Variants in LEKR1 observed in about 807,000 individuals in gnomAD.
The protein encoded by LEKR1 is protein LEKR1.
Under a neutral mutation model 72.4 loss-of-function variants are expected in LEKR1, and 59 were observed. That is an observed-to-expected ratio of 0.82 (90% CI 0.66 to 1.01). The LOEUF (loss-of-function observed/expected upper bound fraction) is 1.01, where lower values mean the gene tolerates loss of function less well. LEKR1 is among the 50% of genes least tolerant of loss of function. The pLI, the probability that LEKR1 is intolerant of heterozygous loss-of-function variation, is 0.00. For synonymous variants in LEKR1, 257 were observed against 263.2 expected, an observed-to-expected ratio of 0.98 and a Z score of 0.23; for missense variants, 728 against 759.2, an observed-to-expected ratio of 0.96 and a Z score of 0.48.
intron 5 of LEKR1, among the ~76,000 whole-genome samples, chr3:156,938,708 T>A (rs946621860): frequency 4.6e-5 from 7 of 152,234 alleles, no homozygotes; most frequent in East Asian, 1.9e-4. Flanking sequence ...TAGTTTTTTT[T>A]ATTTATTTAG....
chr3:156,981,985 T>C (rs1474027673), intron 7 of LEKR1, among the ~76,000 whole-genome samples: 1 of 152,236 alleles, frequency 6.6e-6, no homozygotes, highest in African/African-American at 2.4e-5. Context: ...ATTCTTTGTG[T>C]TGTTTAAAGA....
intron 3 of LEKR1, among the ~76,000 whole-genome samples, chr3:156,858,253 AAGAG>A (rs1160553450): frequency 6.6e-6 from 1 of 152,184 alleles, no homozygotes; most frequent in African/African-American, 2.4e-5. Context: ...AGAGACAAGA[AAGAG>A]AGTGAAGGAC....
At chr3:156,907,234 T>C (rs1722614655) in intron 3 of LEKR1, among the ~76,000 whole-genome samples, 1 of 152,098 alleles carries the variant, frequency 6.6e-6, no homozygotes, top group Admixed American at 6.6e-5. Context: ...TTAACATTGA[T>C]GAAGATCATT....
chr3:156,927,132 C>T (rs1039082504), intron 4 of LEKR1, among the ~76,000 whole-genome samples: 15 of 151,686 alleles, frequency 9.9e-5, no homozygotes, highest in East Asian at 3.9e-4. Context: ...TAAATGTTTA[C>T]GGTTGAATAA....
chr3:156,847,818 A>C (rs1447749136), intron 2 of LEKR1, among the ~76,000 whole-genome samples: 2 of 152,180 alleles, frequency 1.3e-5, no homozygotes, highest in African/African-American at 2.4e-5. Flanking sequence ...AATGAATATC[A>C]TGTTTTCTCT....
chr3:157,025,180 A>G (rs1198736828), intron 11 of LEKR1, among the ~76,000 whole-genome samples: 3 of 152,224 alleles, frequency 2.0e-5, no homozygotes, highest in Admixed American at 2.0e-4. Flanking sequence ...AACATCATAA[A>G]TTATATGACT....
In LEKR1 at chr3:156,919,416, A is replaced by G. The variant is rs143782273; in HGVS notation, c.264-1159A>G. ...TTCTTGGTTCAGGTGGACAGCTACT[A>G]TGCTGCCATTAAAAACCAACTAGGT... On this transcript the variant is annotated intron_variant, in intron 3 of 12. Coordinates refer to ENST00000356539, the MANE Select transcript of LEKR1 (RefSeq NM_001004316.3). Among the ~76,000 whole-genome samples the G allele has an allele frequency of 9.8e-5, 15 of 152,288 alleles. 1 individual carries two copies. In the East Asian group the frequency reaches 2.5e-3, roughly 25 times the overall value.
intron 3 of LEKR1, among the ~76,000 whole-genome samples, chr3:156,855,997 A>T (rs1716008084): frequency 7.6e-6 from 1 of 130,976 alleles, no homozygotes; most frequent in African/African-American, 4.0e-5. Flanking sequence ...TCATACAATG[A>T]AAGCAAAGGT....
intron 1 of LEKR1, among the ~76,000 whole-genome samples, chr3:156,828,358 A>C (rs1711920431): frequency 6.6e-6 from 1 of 152,168 alleles, no homozygotes; most frequent in Non-Finnish European, 1.5e-5. Context: ...TCTTGTCAAA[A>C]TCCTGCCCTG....
chr3:156,967,881 T>C (rs1728777422), intron 6 of LEKR1, among the ~76,000 whole-genome samples: 1 of 152,098 alleles, frequency 6.6e-6, no homozygotes, highest in Non-Finnish European at 1.5e-5. Context: ...GAGAGAAAGG[T>C]CGGGTTACCC....
intron 4 of LEKR1, among the ~76,000 whole-genome samples, chr3:156,923,142 A>G (rs1354515478): frequency 6.6e-6 from 1 of 152,210 alleles, no homozygotes; most frequent in Non-Finnish European, 1.5e-5. Context: ...TCTTTTTAAA[A>G]ACATCCTCAT....
intron 10 of LEKR1, among the ~76,000 whole-genome samples, chr3:157,018,268 C>T (rs1462506230): frequency 2.0e-5 from 3 of 152,032 alleles, no homozygotes; most frequent in East Asian, 3.9e-4. Context: ...AGGATTTATA[C>T]AATGGAAAAT....
chr3:156,957,270 G>A (rs992116432), intron 6 of LEKR1, among the ~76,000 whole-genome samples: 4 of 151,916 alleles, frequency 2.6e-5, no homozygotes, highest in African/African-American at 9.7e-5. Context: ...ACATGCTTAT[G>A]ATTATGTTAC....
At chr3:157,000,994 A>T (rs1443639114) in intron 9 of LEKR1, among the ~76,000 whole-genome samples, 4 of 152,244 alleles carry the variant, frequency 2.6e-5, no homozygotes, top group African/African-American at 7.2e-5. Context: ...TTCCTGCTAC[A>T]TTGTAAAGAA....
intron 12 of LEKR1, among the ~76,000 whole-genome samples, chr3:157,034,629 A>G (rs1734839451): frequency 6.6e-6 from 1 of 152,164 alleles, no homozygotes; most frequent in Admixed American, 6.6e-5. Flanking sequence ...ACAACAAAGG[A>G]TTTGGAATAT....
chr3:156,969,690 G>A (rs1337182128), intron 6 of LEKR1, among the ~76,000 whole-genome samples: 3 of 152,086 alleles, frequency 2.0e-5, no homozygotes, highest in African/African-American at 7.2e-5. Flanking sequence ...TTCTACCAGA[G>A]GTACAAGGAG....
chr3:156,873,781 A>G (rs144914375), intron 3 of LEKR1, among the ~76,000 whole-genome samples: 188 of 152,046 alleles, frequency 1.2e-3, no homozygotes, highest in African/African-American at 4.3e-3. Flanking sequence ...TCCTTACTAT[A>G]TTAGTTAGGA....
Position 156,992,735 on chromosome 3 carries a change from G to C in LEKR1, c.905+5G>C. 1.2e-6 allele frequency: 1 copy of C among 823,756 alleles called. No individual in the cohort carries two copies. Among genetic ancestry groups the C allele is most frequent in the Non-Finnish European group, 1.6e-6 (1 of 642,148 alleles). The allele number at this position is 823,756 out of a possible 1,614,324, so 51.0% of individuals were successfully genotyped here. On this transcript the variant is annotated splice_donor_5th_base_variant and intron_variant, in intron 8 of 12. Transcript: ENST00000356539. ...ATCCATTATTTCTGAGTCACAGTAT[G>C]CATTACCAATTTTTAAATTTATATT... is the stretch of plus-strand genomic sequence containing the variant.
chr3:156,936,276 A>G (rs1042567740), intron 5 of LEKR1, among the ~76,000 whole-genome samples: 3 of 152,084 alleles, frequency 2.0e-5, no homozygotes, highest in Non-Finnish European at 2.9e-5. Context: ...ACTCAACCAC[A>G]CTGGCCTCTG....
Sources: allele counts gnomAD v4.1 joint callset (sites outside exome capture counted in the v4.1 genomes callset), GRCh38; gene constraint gnomAD v4.1.1; transcripts MANE v1.5; gene names NCBI Gene and HGNC (gene_info 2026-07-23, HGNC 2026-07-21).